The following ITPR2 variants were observed in gnomAD, a reference collection of about 807,000 sequenced individuals.
ITPR2 encodes inositol 1,4,5-trisphosphate receptor type 2, also known as inositol 1,4,5-trisphosphate-gated calcium channel ITPR2.
A neutral mutation model predicts 317.1 loss-of-function variants in ITPR2; 207 were observed. The observed-to-expected ratio is 0.65, with a 90% CI of 0.58 to 0.73. The LOEUF (loss-of-function observed/expected upper bound fraction) is 0.73, where lower values mean the gene tolerates loss of function less well. ITPR2 is among the 30% of genes least tolerant of loss of function. The pLI, the probability that ITPR2 is intolerant of heterozygous loss-of-function variation, is 0.00. For missense variants in ITPR2, 2,613 were observed against 3,284.0 expected, an observed-to-expected ratio of 0.80 and a Z score of 4.99; for synonymous variants, 1,156 against 1,149.1, an observed-to-expected ratio of 1.01 and a Z score of -0.12.
At chr12:26,659,780 G>A (rs74643980) in intron 15 of ITPR2, among the ~76,000 whole-genome samples, 28,287 of 152,082 alleles carry the variant, frequency 0.19, 3,511 homozygotes, top group East Asian at 0.55. Context: ...ATGACTGCCT[G>A]ATATTTCATT....
intron 37 of ITPR2, among the ~76,000 whole-genome samples, chr12:26,543,281 T>G (rs910632645): frequency 6.6e-6 from 1 of 152,084 alleles, no homozygotes; most frequent in African/African-American, 2.4e-5. Flanking sequence ...TAAAGTATCT[T>G]TAAATACACA....
At chr12:26,788,408 G>A (rs1018104486) in intron 2 of ITPR2, among the ~76,000 whole-genome samples, 1 of 152,194 alleles carries the variant, frequency 6.6e-6, no homozygotes, top group African/African-American at 2.4e-5. Context: ...GCAGCAAGCA[G>A]TACAGTCAAA....
intron 26 of ITPR2, among the ~76,000 whole-genome samples, chr12:26,605,623 G>A (rs537025230): frequency 1.1e-4 from 17 of 152,240 alleles, no homozygotes; most frequent in African/African-American, 3.8e-4. Context: ...AAAAGCAACT[G>A]TCTTGTTTTA....
In ITPR2 at chr12:26,654,144, AGCGGGGAGGGGGAGGGTGAAAGAGTGG is replaced by A; in HGVS notation, c.2590-45_2590-19del. 5.8e-6 allele frequency: 7 copies of A among 1,204,696 alleles called. No homozygotes were observed. Among genetic ancestry groups the A allele is most frequent in the Non-Finnish European group, 7.9e-6 (7 of 886,946 alleles). The allele number at this position is 1,204,696 out of a possible 1,614,324, so 74.6% of individuals were successfully genotyped here. A position where few individuals can be genotyped will look rare whatever the true frequency, so the allele number is the denominator to read the frequency against. On this transcript the variant is annotated intron_variant, in intron 20 of 56. Transcript: ENST00000381340. ...TGGACCACCTTAATAAAAAAAAAAA[AGCGGGGAGGGGGAGGGTGAAAGAGTGG>A]AAAAAAAAATTGGGTACTGAAATAA...
chr12:26,438,457 T>C (rs558709861), intron 47 of ITPR2, among the ~76,000 whole-genome samples: 2 of 152,312 alleles, frequency 1.3e-5, no homozygotes, highest in Admixed American at 6.5e-5. Context: ...CCATTGACTT[T>C]CGTGAAAAAC....
intron 5 of ITPR2, among the ~76,000 whole-genome samples, chr12:26,722,120 CT>C (rs1948849332): frequency 6.6e-6 from 1 of 152,154 alleles, no homozygotes; most frequent in Non-Finnish European, 1.5e-5. Flanking sequence ...GTAAATTCTC[CT>C]TCTCTTTTAA....
At position 26,657,056 on chromosome 12, in the gene ITPR2, T is replaced by A. The variant is rs183011865; in HGVS notation, c.2193-508A>T. 2.0e-5 allele frequency among the ~76,000 whole-genome samples: 3 copies of A among 152,340 alleles called. No homozygotes were observed. In the East Asian group the frequency reaches 5.8e-4, roughly 29 times the overall value. ...GCCTTTGATTTGGTTGCTATAGCTG[T>A]AGAAACCAGGGAGCACAAAGCGTCA... On this transcript the variant is annotated intron_variant, in intron 18 of 56. Transcript: ENST00000381340.
intron 10 of ITPR2, among the ~76,000 whole-genome samples, chr12:26,690,857 G>C (rs544760697): frequency 4.6e-5 from 7 of 152,290 alleles, no homozygotes; most frequent in Non-Finnish European, 8.8e-5. Flanking sequence ...TTTAAGACCT[G>C]TGGTTTTATT....
intron 49 of ITPR2, among the ~76,000 whole-genome samples, chr12:26,425,583 G>A (rs193147942): frequency 7.1e-4 from 108 of 151,496 alleles, no homozygotes; most frequent in Middle Eastern, 3.4e-3. Flanking sequence ...CAGGAAAACC[G>A]CTTGAACCTG....
intron 55 of ITPR2, among the ~76,000 whole-genome samples, chr12:26,377,342 A>G (rs1469450578): frequency 6.6e-6 from 1 of 152,242 alleles, no homozygotes; most frequent in African/African-American, 2.4e-5. Context: ...TCAACTCTGC[A>G]TCTCTAAACC....
At chr12:26,590,997 T>C (rs1188158476) in intron 32 of ITPR2, among the ~76,000 whole-genome samples, 1 of 140,776 alleles carries the variant, frequency 7.1e-6, no homozygotes, top group African/African-American at 2.7e-5. Flanking sequence ...AGAGAATCAC[T>C]GGAACCCAGG....
At chr12:26,426,437 G>A (rs931082902) in intron 49 of ITPR2, among the ~76,000 whole-genome samples, 1 of 152,154 alleles carries the variant, frequency 6.6e-6, no homozygotes, top group Non-Finnish European at 1.5e-5. Context: ...AACATTTTCT[G>A]AATGTTTCAA....
At chr12:26,411,295 C>T (rs1181360387) in intron 52 of ITPR2, 25 bp downstream of exon 52, 3 of 1,510,540 alleles carry the variant, frequency 2.0e-6, no homozygotes, top group Non-Finnish European at 2.8e-6. Context: ...CAAGTTCATA[C>T]TGACCCAGAG....
chr12:26,609,826 A>C (rs77359836), intron 26 of ITPR2, among the ~76,000 whole-genome samples: 11,080 of 152,312 alleles, frequency 0.073, 468 homozygotes, highest in Middle Eastern at 0.14. Context: ...ATAACCAAAT[A>C]GGATAAGAAT....
intron 46 of ITPR2, among the ~76,000 whole-genome samples, chr12:26,441,021 C>A (rs1165237065): frequency 6.6e-6 from 1 of 152,014 alleles, no homozygotes; most frequent in African/African-American, 2.4e-5. Flanking sequence ...AACATGAACC[C>A]CAACAGGTAA....
chr12:26,547,511 A>G (rs1591884678), intron 37 of ITPR2, among the ~76,000 whole-genome samples: 2 of 152,350 alleles, frequency 1.3e-5, no homozygotes, highest in Admixed American at 6.5e-5. Context: ...CAAAAAATGA[A>G]AAACAGAATT....
intron 37 of ITPR2, among the ~76,000 whole-genome samples, chr12:26,510,653 G>A (rs557636262): frequency 1.1e-4 from 16 of 152,332 alleles, no homozygotes; most frequent in Middle Eastern, 3.4e-3. Context: ...AGGAGGACCC[G>A]CAGGAGTAAG....
intron 55 of ITPR2, among the ~76,000 whole-genome samples, chr12:26,378,118 A>T (rs951719424): frequency 1.3e-5 from 2 of 152,140 alleles, no homozygotes; most frequent in Non-Finnish European, 2.9e-5. Context: ...ACAAAGCAGA[A>T]GTGTAAATGC....
intron 51 of ITPR2, among the ~76,000 whole-genome samples, chr12:26,413,225 C>A (rs1356229639): frequency 6.6e-6 from 1 of 152,230 alleles, no homozygotes; most frequent in Non-Finnish European, 1.5e-5. Flanking sequence ...GTCCTGCAGG[C>A]AGGATCTGCG....
Sources: allele counts gnomAD v4.1 joint callset (sites outside exome capture counted in the v4.1 genomes callset), GRCh38; gene constraint gnomAD v4.1.1; transcripts MANE v1.5; gene names NCBI Gene and HGNC (gene_info 2026-07-23, HGNC 2026-07-21).